TMCC1: variants seen among roughly 807,000 people sequenced by gnomAD.
TMCC1 encodes the protein transmembrane and coiled-coil domain family 1, also known as transmembrane and coiled-coil domains protein 1.
A neutral mutation model predicts 52.4 loss-of-function variants in TMCC1; 15 were observed. That is an observed-to-expected ratio of 0.29 (90% CI 0.19 to 0.44). The LOEUF (loss-of-function observed/expected upper bound fraction) is 0.44, where lower values mean the gene tolerates loss of function less well. TMCC1 is among the 20% of genes least tolerant of loss of function. The pLI, the probability that TMCC1 is intolerant of heterozygous loss-of-function variation, is 1.00. For synonymous variants in TMCC1, 279 were observed against 301.9 expected (o/e 0.92, Z 0.79); for missense variants, 503 against 806.0 (o/e 0.62, Z 4.55).
intron 4 of TMCC1, among the ~76,000 whole-genome samples, chr3:129,818,155 C>T (rs947375623): frequency 1.3e-5 from 2 of 151,848 alleles, no homozygotes; most frequent in Non-Finnish European, 2.9e-5. Flanking sequence ...TGTTGGTAAG[C>T]TGGTCTCGAA....
chr3:129,719,254 A>G (rs1056210858), intron 4 of TMCC1, among the ~76,000 whole-genome samples: 3 of 152,224 alleles, frequency 2.0e-5, no homozygotes, highest in Non-Finnish European at 2.9e-5. Context: ...TGAAGTTTCC[A>G]TAAAAACCCA....
intron 2 of TMCC1, among the ~76,000 whole-genome samples, chr3:129,863,635 A>C: frequency 6.6e-6 from 1 of 152,022 alleles, no homozygotes; most frequent in South Asian, 2.1e-4. Flanking sequence ...GCCGAGGCAG[A>C]CGGATCACCT....
chr3:129,881,747 G>A (rs978750746), intron 1 of TMCC1, among the ~76,000 whole-genome samples: 4 of 152,116 alleles, frequency 2.6e-5, no homozygotes, highest in African/African-American at 4.8e-5. Context: ...GGAACTAGCA[G>A]CAGTCAAGAC....
At chr3:129,673,821 T>G (rs1019071393) in intron 4 of TMCC1, among the ~76,000 whole-genome samples, 1 of 97,854 alleles carries the variant, frequency 1.0e-5, no homozygotes, top group African/African-American at 2.8e-5. Flanking sequence ...TGATTATATC[T>G]CTAAAATGAA....
intron 4 of TMCC1, among the ~76,000 whole-genome samples, chr3:129,706,747 G>C (rs1367477403): frequency 6.6e-6 from 1 of 152,098 alleles, no homozygotes; most frequent in Non-Finnish European, 1.5e-5. Flanking sequence ...ATAAAATAAG[G>C]CTTCCTAAAG....
intron 4 of TMCC1, among the ~76,000 whole-genome samples, chr3:129,691,811 TAA>T (rs2047048896): frequency 6.6e-6 from 1 of 152,150 alleles, no homozygotes; most frequent in African/African-American, 2.4e-5. Context: ...TTTGTAAGTA[TAA>T]AACATTTTCC....
chr3:129,670,005 T>C (rs1344743019), intron 5 of TMCC1, among the ~76,000 whole-genome samples: 3 of 152,244 alleles, frequency 2.0e-5, no homozygotes, highest in Non-Finnish European at 4.4e-5. Context: ...ATCTTTGATA[T>C]CTACACAGTT....
chr3:129,670,259 C>A, intron 5 of TMCC1, 71 bp downstream of exon 5: 1 of 1,483,056 alleles, frequency 6.7e-7, no homozygotes, highest in Non-Finnish European at 9.1e-7. Flanking sequence ...CTTTTAAAAG[C>A]CATTTCCCCA....
intron 4 of TMCC1, among the ~76,000 whole-genome samples, chr3:129,721,655 T>C (rs1576579434): frequency 6.8e-6 from 1 of 147,140 alleles, no homozygotes; most frequent in Admixed American, 6.8e-5. Context: ...GGTCAGGAGA[T>C]TGGGACTATC....
At chr3:129,726,394 C>CA (rs1422726691) in intron 4 of TMCC1, among the ~76,000 whole-genome samples, 2 of 4,890 alleles carry the variant, frequency 4.1e-4, no homozygotes, top group Non-Finnish European at 2.5e-3. Context: ...TAAAACAAAA[C>CA]AAACAAATAA....
At chr3:129,709,497 A>AACAG (rs554837910) in intron 4 of TMCC1, among the ~76,000 whole-genome samples, 1 of 64,030 alleles carries the variant, frequency 1.6e-5, no homozygotes, top group African/African-American at 6.7e-5. Context: ...AAAAAAAAAA[A>AACAG]AGAGAGAGAG....
intron 2 of TMCC1, among the ~76,000 whole-genome samples, chr3:129,861,698 T>C (rs990223062): frequency 6.6e-6 from 1 of 152,174 alleles, no homozygotes; most frequent in Non-Finnish European, 1.5e-5. Flanking sequence ...CTAGGGTGGT[T>C]AAAATCAAAG....
intron 4 of TMCC1, among the ~76,000 whole-genome samples, chr3:129,820,589 G>T (rs1051301819): frequency 2.0e-5 from 3 of 150,078 alleles, no homozygotes; most frequent in Non-Finnish European, 4.4e-5. Flanking sequence ...ATTCTGAGAG[G>T]CCAGACAACC....
At chr3:129,813,214 G>T (rs536951804) in intron 4 of TMCC1, among the ~76,000 whole-genome samples, 1 of 152,298 alleles carries the variant, frequency 6.6e-6, no homozygotes, top group East Asian at 1.9e-4. Flanking sequence ...CTGCCAGTAG[G>T]AATGTAAATT....
chr3:129,674,655 A>G (rs2088246175), intron 4 of TMCC1, among the ~76,000 whole-genome samples: 1 of 152,170 alleles, frequency 6.6e-6, no homozygotes. Context: ...AGGACAGGGG[A>G]GGAAAACAGT....
intron 2 of TMCC1, chr3:129,861,107 G>T (rs1479378090): frequency 6.6e-6 from 1 of 152,216 alleles, no homozygotes; most frequent in Non-Finnish European, 1.5e-5. Context: ...TGGAAGGGGA[G>T]TGAAGGTAAG....
At chr3:129,676,906 C>T (rs1465022891) in intron 4 of TMCC1, among the ~76,000 whole-genome samples, 1 of 152,134 alleles carries the variant, frequency 6.6e-6, no homozygotes, top group Non-Finnish European at 1.5e-5. Flanking sequence ...TACCTTCTTC[C>T]ATCACTTAAC....
At chr3:129,820,676 A>G (rs2058371995) in intron 4 of TMCC1, among the ~76,000 whole-genome samples, 1 of 152,198 alleles carries the variant, frequency 6.6e-6, no homozygotes, top group South Asian at 2.1e-4. Context: ...TGTGTTAAAG[A>G]AAGGCTCAAA....
chr3:129,733,137 A>T (rs895901852), intron 4 of TMCC1, among the ~76,000 whole-genome samples: 1 of 152,224 alleles, frequency 6.6e-6, no homozygotes, highest in African/African-American at 2.4e-5. Context: ...AGCTGAGTTC[A>T]GTAGAAAAGA....
Sources: gnomAD v4.1 joint callset for allele counts (sites outside exome capture counted in the v4.1 genomes callset) on GRCh38, gnomAD v4.1.1 for gene constraint, MANE v1.5 for transcripts, NCBI Gene and HGNC (gene_info 2026-07-23, HGNC 2026-07-21) for gene names.